RAB8A: variants seen among roughly 807,000 people sequenced by gnomAD.
RAB8A encodes the protein RAB8A, member RAS oncogene family.
In RAB8A, 5 loss-of-function variants were observed where a neutral mutation model predicts 29.2. The observed-to-expected ratio is 0.17, with a 90% CI of 0.09 to 0.36. The LOEUF (loss-of-function observed/expected upper bound fraction) is 0.36, where lower values mean the gene tolerates loss of function less well. Among genes scored for constraint, RAB8A ranks in the 10% least tolerant of loss-of-function variants. RAB8A has a pLI of 1.00. For synonymous variants in RAB8A, 108 were observed against 99.9 expected, an observed-to-expected ratio of 1.08 and a Z score of -0.49; for missense variants, 171 against 272.2, an observed-to-expected ratio of 0.63 and a Z score of 2.62.
intron 2 of RAB8A, among the ~76,000 whole-genome samples, chr19:16,120,422 C>T (rs1370807122): frequency 6.7e-6 from 1 of 149,002 alleles, no homozygotes; most frequent in Admixed American, 6.8e-5. Flanking sequence ...AAGCAATTCT[C>T]GTGCTTCAGC....
intron 3 of RAB8A, among the ~76,000 whole-genome samples, chr19:16,123,150 C>T (rs2090882264): frequency 6.6e-6 from 1 of 152,202 alleles, no homozygotes; most frequent in Non-Finnish European, 1.5e-5. Flanking sequence ...CGCTGAAGTT[C>T]ACTCAGCAGG....
chr19:16,125,238 G>A lies in RAB8A; in HGVS notation c.247-232G>A, dbSNP rs2090893956. 8.6e-6 allele frequency: 5 copies of A among 583,260 alleles called. No individual in the cohort carries two copies. Among genetic ancestry groups the A allele is most frequent in the East Asian group, 2.8e-5 (1 of 35,160 alleles). 36.1% of individuals were successfully genotyped at this position (583,260 alleles called of 1,614,324 possible). ...TGTGAGGCAGAAGGGTCACCTCAGC[G>A]GCCCGGGGGGCAGGACAAGGCTGGT... On this transcript the variant is annotated intron_variant, in intron 3 of 7. Transcript: ENST00000300935. The surrounding 1 kb of genome is among the most constrained non-coding windows in gnomAD (Gnocchi z 5.0).
At chr19:16,128,203 C>A in intron 6 of RAB8A, 112 bp downstream of exon 6, 1 of 1,139,282 alleles carries the variant, frequency 8.8e-7, no homozygotes, top group Non-Finnish European at 1.3e-6. Context: ...CAGCCTCGGG[C>A]TCAGGGCTGC....
intron 6 of RAB8A, among the ~76,000 whole-genome samples, chr19:16,129,260 C>T (rs2090915057): frequency 6.6e-6 from 1 of 152,212 alleles, no homozygotes; most frequent in Non-Finnish European, 1.5e-5. Flanking sequence ...AGTGTCGCCC[C>T]ATCTCACAGG....
chr19:16,118,263 C>G lies in RAB8A; in HGVS notation c.162C>G (p.Gly54=). Reference sequence around the variant, plus strand: ...AAATTAGGACCATAGAGCTCGATGGCAAGAGAATTAAACTGCAGATATGGT... The same window carrying G: ...AAATTAGGACCATAGAGCTCGATGGGAAGAGAATTAAACTGCAGATATGGT... The part of the protein sequence containing the change: ...DFKIRTIELD[G]KRIKLQIWDT... Residue 54 remains glycine (G), a synonymous_variant, in exon 2 of 8, where the codon GGC becomes GGG. Transcript: ENST00000300935. 1 of 1,611,456 alleles carries G rather than the reference C, an allele frequency of 6.2e-7. No homozygotes were observed. Among genetic ancestry groups the G allele is most frequent in the Non-Finnish European group, 8.5e-7 (1 of 1,179,440 alleles).
chr19:16,128,079 C>T lies in RAB8A; in HGVS notation c.468C>T (p.Ile156=). 1 of 1,614,134 alleles carries T rather than the reference C, an allele frequency of 6.2e-7. No individual in the cohort carries two copies. The highest frequency in any genetic ancestry group is 8.5e-7 in the Non-Finnish European group (1 of 1,179,986). The change falls in exon 6 of 8, where the codon ATC becomes ATT. Residue 156 remains isoleucine, a synonymous_variant. Coordinates refer to ENST00000300935, the MANE Select transcript of RAB8A (RefSeq NM_005370.5). ...TGGAGACCAGCGCGAAGGCCAACAT[C>T]AATGTGGAAAATGTGAGTCCCGGGC... The part of the protein sequence containing the change: ...KFMETSAKAN[I]NVENAFFTLA...
intron 1 of RAB8A, chr19:16,112,674 C>G (rs1404168412): frequency 6.5e-6 from 1 of 153,198 alleles, no homozygotes; most frequent in Non-Finnish European, 1.5e-5. Flanking sequence ...CTGCACACTC[C>G]CAGCTGATGA....
Position 16,125,534 on chromosome 19 carries a change from G to C in RAB8A, c.311G>C (p.Arg104Pro). The C allele has an allele frequency of 6.2e-7, 1 of 1,613,654 alleles. No individual in the cohort carries two copies. The highest frequency in any genetic ancestry group is 8.5e-7 in the Non-Finnish European group (1 of 1,179,636). ...KSFDNIRNWIRNIEEHASADV... is the reference protein window; with the variant it reads ...KSFDNIRNWIPNIEEHASADV... Reference sequence around the variant, plus strand: ...TTCGACAACATCCGGAACTGGATTCGCAACATTGAGGAGGTGAGGCCCTCC... The same window carrying C: ...TTCGACAACATCCGGAACTGGATTCCCAACATTGAGGAGGTGAGGCCCTCC... Residue 104 changes from arginine to proline, a missense_variant, in exon 4 of 8, where the codon CGC (arginine) becomes CCC (proline). Arg to Pro is a moderately radical substitution (Grantham distance 103). Around this residue, in one of 3 missense-constraint regions of RAB8A, gnomAD observed 145 missense variants for 212.8 expected, o/e 0.68. Transcript: ENST00000300935. This position sits in a 1 kb window ranked among gnomAD's most constrained non-coding sequence, Gnocchi z 5.0.
chr19:16,129,962 T>C (rs559736401), intron 7 of RAB8A, among the ~76,000 whole-genome samples: 15 of 152,248 alleles, frequency 9.9e-5, no homozygotes, highest in African/African-American at 3.6e-4. Flanking sequence ...GGGCCAGGGC[T>C]GGTGTCTGAT....
chr19:16,130,863 G>A (rs985432998), intron 7 of RAB8A, among the ~76,000 whole-genome samples: 4 of 151,440 alleles, frequency 2.6e-5, no homozygotes, highest in Admixed American at 6.6e-5. Context: ...TCGCTCTGTT[G>A]CCCAGGCTAG....
Position 16,125,212 on chromosome 19 carries a change from C to T in RAB8A, c.247-258C>T. 1 of 561,820 alleles carries T rather than the reference C, an allele frequency of 1.8e-6. No individual in the cohort carries two copies. The highest frequency in any genetic ancestry group is 3.2e-6 in the Non-Finnish European group (1 of 312,018). 34.8% of individuals were successfully genotyped at this position (561,820 alleles called of 1,614,324 possible). Reference sequence around the variant, plus strand: ...CAGCGAGTGCGTGGCAGGGGCTGGCCTGTGAGGCAGAAGGGTCACCTCAGC... The same window carrying T: ...CAGCGAGTGCGTGGCAGGGGCTGGCTTGTGAGGCAGAAGGGTCACCTCAGC... On this transcript the variant is annotated intron_variant, in intron 3 of 7. Coordinates refer to ENST00000300935, the MANE Select transcript of RAB8A (RefSeq NM_005370.5). The surrounding 1 kb of genome is among the most constrained non-coding windows in gnomAD (Gnocchi z 5.0).
Position 16,129,783 on chromosome 19 carries a change from G to A in RAB8A, c.531+179G>A, listed in dbSNP as rs1187044017. Reference sequence around the variant, plus strand: ...GTGGCTGGGGCATCAGCATCAGGCAGTGCCAGCCTGGGGACGCTGCCCAAG... The same window carrying A: ...GTGGCTGGGGCATCAGCATCAGGCAATGCCAGCCTGGGGACGCTGCCCAAG... On this transcript the variant is annotated intron_variant, in intron 7 of 7. Transcript: ENST00000300935. Among the ~76,000 whole-genome samples the A allele has an allele frequency of 2.6e-5, 4 of 152,206 alleles. No homozygotes were observed. The South Asian group carries it at 8.3e-4, about 32-fold the overall frequency.
intron 1 of RAB8A, among the ~76,000 whole-genome samples, chr19:16,113,552 C>T (rs1239067338): frequency 1.3e-5 from 2 of 152,126 alleles, no homozygotes; most frequent in African/African-American, 4.8e-5. Context: ...TAGGCACCCG[C>T]CACCACGTCC....
At chr19:16,121,162 C>A (rs931627071) in intron 2 of RAB8A, among the ~76,000 whole-genome samples, 1 of 151,962 alleles carries the variant, frequency 6.6e-6, no homozygotes, top group African/African-American at 2.4e-5. Flanking sequence ...GGTGGTCCAC[C>A]TGCCTCGGCC....
intron 7 of RAB8A, among the ~76,000 whole-genome samples, chr19:16,130,116 T>C (rs972060458): frequency 6.6e-6 from 1 of 151,764 alleles, no homozygotes; most frequent in Admixed American, 6.6e-5. Flanking sequence ...GAAGTCTGCA[T>C]GAATCCCTAC....
rs2145001221 is a variant in RAB8A at position 16,133,551 on chromosome 19, C to G, written c.*1247C>G. ...CAACATATCAGCAATAGTCTGCTCT[C>G]CCCGGGAATCTCTAACATGCTCTGT... is the stretch of plus-strand genomic sequence containing the variant. On this transcript the variant is annotated 3_prime_UTR_variant, in exon 8 of 8. Coordinates refer to ENST00000300935, the MANE Select transcript of RAB8A (RefSeq NM_005370.5). 6.6e-6 allele frequency: 1 copy of G among 152,464 alleles called. No individual in the cohort carries two copies. Among genetic ancestry groups the G allele is most frequent in the East Asian group, 1.9e-4 (1 of 5,186 alleles). The allele number at this position is 152,464 out of a possible 1,614,324, so 9.4% of individuals were successfully genotyped here.
At chr19:16,118,817 C>T (rs967221497) in intron 2 of RAB8A, among the ~76,000 whole-genome samples, 4 of 152,216 alleles carry the variant, frequency 2.6e-5, no homozygotes, top group Admixed American at 2.6e-4. Context: ...ATGTTGAGAC[C>T]TGTTTCCATT....
In RAB8A at chr19:16,125,639, A is replaced by C; in HGVS notation, c.324+92A>C. On this transcript the variant is annotated intron_variant, in intron 4 of 7. Coordinates refer to ENST00000300935, the MANE Select transcript of RAB8A (RefSeq NM_005370.5). The surrounding 1 kb of genome is among the most constrained non-coding windows in gnomAD (Gnocchi z 5.0). ...CATGAGAAGGCCAAGGTGCAGAGAC[A>C]CATACAGGCCACTTGCCCACAGCCT... The C allele has an allele frequency of 8.2e-7, 1 of 1,222,126 alleles. No homozygotes were observed. Among genetic ancestry groups the C allele is most frequent in the East Asian group, 2.5e-5 (1 of 39,770 alleles). The allele number at this position is 1,222,126 out of a possible 1,614,324, so 75.7% of individuals were successfully genotyped here. A position where few individuals can be genotyped will look rare whatever the true frequency, so the allele number is the denominator to read the frequency against.
chr19:16,127,519 G>A lies in RAB8A; in HGVS notation c.407G>A (p.Gly136Glu). Residue 136 changes from glycine (G) to glutamate (E), a missense_variant, in exon 5 of 8, where the codon GGA (glycine) becomes GAA (glutamate). Gly to Glu is a moderately conservative substitution (Grantham distance 98). This residue lies in a region of RAB8A where 145 missense variants were observed against 212.8 expected (regional missense o/e 0.68). Coordinates refer to ENST00000300935, the MANE Select transcript of RAB8A (RefSeq NM_005370.5). This position sits in a 1 kb window ranked among gnomAD's most constrained non-coding sequence, Gnocchi z 4.8. ...AAGAGACAAGTTTCCAAGGAACGGG[G>A]AGAAAAGGTGGGCATGGTGGCACAA... ...NDKRQVSKER[G>E]EKLALDYGIK... 6.5e-7 allele frequency: 1 copy of A among 1,535,668 alleles called. No individual in the cohort carries two copies. The highest frequency in any genetic ancestry group is 8.7e-7 in the Non-Finnish European group (1 of 1,145,240).
Sources: gnomAD v4.1 joint callset for allele counts (sites outside exome capture counted in the v4.1 genomes callset) on GRCh38, gnomAD v4.1.1 for gene constraint, gnomAD v4.1.1 regional missense constraint, Gnocchi (gnomAD v3.1) non-coding constraint, MANE v1.5 for transcripts, NCBI Gene and HGNC (gene_info 2026-07-23, HGNC 2026-07-21) for gene names.